The following PARP1 variants were observed in gnomAD, a reference collection of about 807,000 sequenced individuals.
The protein encoded by PARP1 is poly(ADP-ribose) polymerase 1, also known as poly [ADP-ribose] polymerase 1.
A neutral mutation model predicts 118.7 loss-of-function variants in PARP1; 44 were observed. That is an observed-to-expected ratio of 0.37 (90% CI 0.29 to 0.48). PARP1 has a LOEUF of 0.48. Ranked by LOEUF, PARP1 falls within the 20% of genes least tolerant of loss-of-function variation. The pLI is 0.99. For synonymous variants in PARP1, 492 were observed against 483.2 expected (o/e 1.02, Z -0.24); for missense variants, 1,100 against 1,272.4 (o/e 0.86, Z 2.06).
intron 15 of PARP1, among the ~76,000 whole-genome samples, chr1:226,368,949 G>A (rs1211873989): frequency 3.3e-5 from 5 of 152,216 alleles, no homozygotes; most frequent in Non-Finnish European, 5.9e-5. Context: ...GACAGCCTAG[G>A]TGACCACAGG....
rs1281482434 is a variant in PARP1 at position 226,362,165 on chromosome 1, T to C, written c.2849-82A>G. Reference sequence around the variant, plus strand: ...CCAGGGAGATGAGCTCTATTTGATGTTGGGTCCATGTGGTCTTTCTTTTTT... The same window carrying C: ...CCAGGGAGATGAGCTCTATTTGATGCTGGGTCCATGTGGTCTTTCTTTTTT... On this transcript the variant is annotated intron_variant, in intron 21 of 22. Coordinates refer to ENST00000366794, the MANE Select transcript of PARP1 (RefSeq NM_001618.4). 7.4e-6 allele frequency: 6 copies of C among 806,014 alleles called. No homozygotes were observed. The Admixed American group carries it at 1.1e-4, about 15-fold the overall frequency. 49.9% of individuals were successfully genotyped at this position (806,014 alleles called of 1,614,324 possible).
At chr1:226,407,021 CAAACTGG>C (rs1263123936) in intron 1 of PARP1, among the ~76,000 whole-genome samples, 2 of 152,154 alleles carry the variant, frequency 1.3e-5, no homozygotes, top group African/African-American at 4.8e-5. Flanking sequence ...TAGACATCGG[CAAACTGG>C]AAGCTGGAGG....
At chr1:226,379,692 G>C in intron 10 of PARP1, 51 bp from the exon 11 acceptor site, 1 of 1,469,196 alleles carries the variant, frequency 6.8e-7, no homozygotes, top group Non-Finnish European at 9.5e-7. Context: ...TAACTAAAAA[G>C]TAAGGGGAAG....
At chr1:226,374,420 TG>T in intron 13 of PARP1, 66 bp from the exon 14 acceptor site, 1 of 1,596,606 alleles carries the variant, frequency 6.3e-7, no homozygotes, top group Non-Finnish European at 8.6e-7. Context: ...TCTGCGTCTG[TG>T]GGGCTGGACT....
chr1:226,377,409 AC>A, intron 12 of PARP1, 106 bp from the exon 13 acceptor site: 1 of 815,094 alleles, frequency 1.2e-6, no homozygotes. Flanking sequence ...AATTTTACAC[AC>A]CCCAAAAGGA....
At chr1:226,393,858 T>G (rs1664864868) in intron 2 of PARP1, among the ~76,000 whole-genome samples, 1 of 152,210 alleles carries the variant, frequency 6.6e-6, no homozygotes, top group Admixed American at 6.5e-5. Flanking sequence ...TCATTTTTAA[T>G]ATTCCAGATA....
intron 4 of PARP1, 124 bp from the exon 5 acceptor site, chr1:226,388,879 T>A (rs1664770660): frequency 1.3e-6 from 1 of 794,858 alleles, no homozygotes; most frequent in African/African-American, 1.7e-5. Context: ...CTCACACTTG[T>A]CACTCCCTAA....
At chr1:226,403,408 G>A (rs1305042395) in intron 1 of PARP1, among the ~76,000 whole-genome samples, 1 of 152,224 alleles carries the variant, frequency 6.6e-6, no homozygotes, top group Non-Finnish European at 1.5e-5. Context: ...TCGAACTTCT[G>A]ACCTCGTGAC....
In PARP1 at chr1:226,367,474, T is replaced by C. The variant is rs1576391248; in HGVS notation, c.2406+6A>G. The stretch of plus-strand genomic sequence containing the variant: ...AAGATGCTTGAGGAAGGCCTGACCC[T>C]GTTACCTTAATGTCAGTTTTGAGCT... On this transcript the variant is annotated splice_donor_region_variant and intron_variant, in intron 17 of 22. Transcript: ENST00000366794. The C allele has an allele frequency of 6.2e-7, 1 of 1,613,552 alleles. No homozygotes were observed. The highest frequency in any genetic ancestry group is 8.5e-7 in the Non-Finnish European group (1 of 1,179,990).
intron 2 of PARP1, among the ~76,000 whole-genome samples, chr1:226,400,202 G>C (rs379806): frequency 1.3e-5 from 2 of 151,796 alleles, no homozygotes; most frequent in African/African-American, 4.8e-5. Flanking sequence ...GGGAGGCTGA[G>C]GCAGGAGAAT....
At position 226,365,061 on chromosome 1, in the gene PARP1, T is replaced by C; in HGVS notation, c.2599A>G (p.Thr867Ala). The C allele has an allele frequency of 6.2e-7, 1 of 1,614,222 alleles. No homozygotes were observed. Among genetic ancestry groups the C allele is most frequent in the Non-Finnish European group, 8.5e-7 (1 of 1,180,036 alleles). The change falls in exon 19 of 23, where the codon ACC becomes GCC. Residue 867 changes from threonine to alanine, a missense_variant. Physicochemically the swap from Thr to Ala is moderately conservative, Grantham distance 58. Transcript: ENST00000366794. ...TGGGACAGGATCCCAGCAAAGTTGG[T>C]GGTCCTGGACCCGTGCCACAGCAAT... is the stretch of plus-strand genomic sequence containing the variant. ...RRLLWHGSRT[T>A]NFAGILSQGL...
At position 226,391,240 on chromosome 1, in the gene PARP1, C is replaced by T. The variant is rs3219035; in HGVS notation, c.403-616G>A. On this transcript the variant is annotated intron_variant, in intron 3 of 22. Coordinates refer to ENST00000366794, the MANE Select transcript of PARP1 (RefSeq NM_001618.4). ...CCTACCACCCCACCGTGCCCAGCCC[C>T]CAATGCAGCACTTTTGTACTAGCAG... Among the ~76,000 whole-genome samples, 668 of 152,222 alleles carry T rather than the reference C, an allele frequency of 4.4e-3. 6 individuals carry two copies. Among genetic ancestry groups the T allele is most frequent in the African/African-American group, 0.015 (642 of 41,534 alleles).
intron 2 of PARP1, chr1:226,392,688 C>G (rs1664842559): frequency 5.6e-6 from 3 of 538,290 alleles, no homozygotes; most frequent in Non-Finnish European, 9.7e-6. Flanking sequence ...TTCTAATTTC[C>G]ATTATACTTC....
chr1:226,374,344 G>A lies in PARP1; in HGVS notation c.1952C>T (p.Ala651Val), dbSNP rs767892316. 6.2e-7 allele frequency: 1 copy of A among 1,614,114 alleles called. No homozygotes were observed. Among genetic ancestry groups the A allele is most frequent in the Non-Finnish European group, 8.5e-7 (1 of 1,180,006 alleles). ...AGGATTTACTGTCAGCTTCTTCACTGCCTCTTCATCCTTCAGGAAAAAAGC... is the reference window on the plus strand; with the variant it reads ...AGGATTTACTGTCAGCTTCTTCACTACCTCTTCATCCTTCAGGAAAAAAGC... ...LEIDYGQDEE[A>V]VKKLTVNPGT... Residue 651 changes from alanine to valine, a missense_variant, in exon 14 of 23, where the codon GCA (alanine) becomes GTA (valine). By Grantham distance (64) the Ala-to-Val change is moderately conservative. Coordinates refer to ENST00000366794, the MANE Select transcript of PARP1 (RefSeq NM_001618.4).
At chr1:226,362,247 G>T (rs970374688) in intron 21 of PARP1, 164 bp from the exon 22 acceptor site, 1 of 602,600 alleles carries the variant, frequency 1.7e-6, no homozygotes, top group Non-Finnish European at 3.0e-6. Flanking sequence ...GTGCAATGGT[G>T]TGACTTCAGC....
rs559255734 is a variant in PARP1, at chr1:226,370,697, T to C, written c.2071-180A>G. 1.0e-4 allele frequency: 67 copies of C among 659,576 alleles called. No homozygotes were observed. The African/African-American group carries it at 1.1e-3, about 11-fold the overall frequency. The allele number at this position is 659,576 out of a possible 1,614,324, so 40.9% of individuals were successfully genotyped here. A position where few individuals can be genotyped will look rare whatever the true frequency, so the allele number is the denominator to read the frequency against. On this transcript the variant is annotated intron_variant, in intron 14 of 22. Coordinates refer to ENST00000366794, the MANE Select transcript of PARP1 (RefSeq NM_001618.4). ...TGTAGCCCCACCCCACCATGAGGGA[T>C]GGCAGTGTGTCTGAAGATTCTTGCT... is the stretch of plus-strand genomic sequence containing the variant.
chr1:226,396,034 T>C (rs1664908636), intron 2 of PARP1, among the ~76,000 whole-genome samples: 2 of 152,092 alleles, frequency 1.3e-5, no homozygotes, highest in South Asian at 2.1e-4. Flanking sequence ...TTCATGCCAC[T>C]GAACTCTACA....
intron 13 of PARP1, 81 bp from the exon 14 acceptor site, chr1:226,374,435 G>A: frequency 6.5e-7 from 1 of 1,545,472 alleles, no homozygotes; most frequent in Non-Finnish European, 8.9e-7. Flanking sequence ...CTGGACTGCA[G>A]ACAAAGGACA....
intron 2 of PARP1, among the ~76,000 whole-genome samples, chr1:226,395,240 T>C (rs1404389092): frequency 2.6e-5 from 4 of 152,164 alleles, no homozygotes; most frequent in Non-Finnish European, 5.9e-5. Flanking sequence ...AAATTAAGCA[T>C]GGAATTACCA....
Sources: gnomAD v4.1 joint callset for allele counts (sites outside exome capture counted in the v4.1 genomes callset) on GRCh38, gnomAD v4.1.1 for gene constraint, MANE v1.5 for transcripts, NCBI Gene and HGNC (gene_info 2026-07-23, HGNC 2026-07-21) for gene names.